The following KIF21A variants were observed in gnomAD, a reference collection of about 807,000 sequenced individuals.
KIF21A encodes the protein kinesin family member 21A.
A neutral mutation model predicts 202.9 loss-of-function variants in KIF21A; 114 were observed. The ratio of observed to expected loss-of-function variants is 0.56; its 90% CI spans 0.48 to 0.66. The LOEUF (loss-of-function observed/expected upper bound fraction) is 0.66, where lower values mean the gene tolerates loss of function less well. Among genes scored for constraint, KIF21A ranks in the 30% least tolerant of loss-of-function variants. The pLI is 0.00. For synonymous variants in KIF21A, 667 were observed against 670.8 expected (o/e 0.99, Z 0.09); for missense variants, 1,677 against 1,994.9 (o/e 0.84, Z 3.04).
intron 1 of KIF21A, among the ~76,000 whole-genome samples, chr12:39,437,304 C>A (rs1383946946): frequency 6.6e-6 from 1 of 152,152 alleles, no homozygotes; most frequent in Non-Finnish European, 1.5e-5. Flanking sequence ...AATAATTAGA[C>A]CTGAAACCTG....
At chr12:39,364,188 A>G (rs1949445451) in intron 6 of KIF21A, among the ~76,000 whole-genome samples, 2 of 152,218 alleles carry the variant, frequency 1.3e-5, no homozygotes, top group African/African-American at 4.8e-5. Context: ...ACTGGCCATC[A>G]GTAATGCAAA....
chr12:39,375,307 G>A (rs1020166537), intron 1 of KIF21A, among the ~76,000 whole-genome samples: 1 of 152,148 alleles, frequency 6.6e-6, no homozygotes, highest in African/African-American at 2.4e-5. Flanking sequence ...TAGCAAAACT[G>A]AGTTTATACA....
chr12:39,308,070 T>TA (rs1943648872), intron 33 of KIF21A, among the ~76,000 whole-genome samples: 1 of 151,720 alleles, frequency 6.6e-6, no homozygotes, highest in Non-Finnish European at 1.5e-5. Flanking sequence ...ATGTTAAACA[T>TA]AAAAAAATCA....
At chr12:39,438,250 T>G (rs949792760) in intron 1 of KIF21A, among the ~76,000 whole-genome samples, 2 of 152,172 alleles carry the variant, frequency 1.3e-5, no homozygotes, top group African/African-American at 4.8e-5. Context: ...TGTTTATTCT[T>G]CAGTAATAAG....
chr12:39,427,333 T>G (rs1214919951), intron 1 of KIF21A, among the ~76,000 whole-genome samples: 4 of 152,244 alleles, frequency 2.6e-5, no homozygotes, highest in Non-Finnish European at 4.4e-5. Context: ...AATAGCTTTC[T>G]TTTTACATTT....
At chr12:39,428,970 A>AAAG (rs1451354089) in intron 1 of KIF21A, among the ~76,000 whole-genome samples, 1 of 152,096 alleles carries the variant, frequency 6.6e-6, no homozygotes, top group East Asian at 1.9e-4. Flanking sequence ...AAAAAAAAAA[A>AAAG]AAGGACTTCA....
Position 39,322,872 on chromosome 12 carries a change from C to T in KIF21A, c.3467G>A (p.Arg1156Lys), listed in dbSNP as rs74778449. ...EVKPKNKARR[R>K]TTTQMELLYA... The stretch of plus-strand genomic sequence containing the variant: ...CAGCAATTCCATCTGAGTGGTGGTT[C>T]TCCTTCGGGCCTAGTCAAAGAATGG... Residue 1156 changes from arginine to lysine, a missense_variant, in exon 27 of 38, where the codon AGA (arginine) becomes AAA (lysine). Physicochemically the swap from Arg to Lys is conservative, Grantham distance 26. Coordinates refer to ENST00000361418, the MANE Select transcript of KIF21A (RefSeq NM_001173464.2). The T allele has an allele frequency of 6.2e-7, 1 of 1,602,706 alleles. No individual in the cohort carries two copies. The highest frequency in any genetic ancestry group is 8.5e-7 in the Non-Finnish European group (1 of 1,172,850).
At chr12:39,432,737 A>G (rs1031245013) in intron 1 of KIF21A, among the ~76,000 whole-genome samples, 4 of 152,066 alleles carry the variant, frequency 2.6e-5, no homozygotes, top group Admixed American at 1.3e-4. Flanking sequence ...CAGCCTCCCA[A>G]GTAGCTGGGA....
intron 12 of KIF21A, among the ~76,000 whole-genome samples, chr12:39,342,873 A>G (rs1269303629): frequency 6.6e-6 from 1 of 152,196 alleles, no homozygotes; most frequent in Non-Finnish European, 1.5e-5. Flanking sequence ...CACACATACC[A>G]GGGAATGATT....
intron 1 of KIF21A, among the ~76,000 whole-genome samples, chr12:39,399,855 A>G: frequency 6.6e-6 from 1 of 152,240 alleles, no homozygotes; most frequent in Non-Finnish European, 1.5e-5. Context: ...AGTAGCAGAA[A>G]GCATTTATTT....
Position 39,342,067 on chromosome 12 carries a change from A to AC in KIF21A, c.1769dup (p.Val591CysfsTer8). On this transcript the variant is annotated frameshift_variant, in exon 13 of 38. Transcript: ENST00000361418. LOFTEE classifies it high-confidence loss of function. ...ATTCATTGTTTTCTCTTTCCGAAAC[A>AC]CCCTTTTCTTCTTTCTTCTCTTGGT... is the stretch of plus-strand genomic sequence containing the variant. The AC allele has an allele frequency of 6.2e-7, 1 of 1,611,628 alleles. No individual in the cohort carries two copies. Among genetic ancestry groups the AC allele is most frequent in the Non-Finnish European group, 8.5e-7 (1 of 1,178,124 alleles).
intron 31 of KIF21A, among the ~76,000 whole-genome samples, chr12:39,314,285 A>T (rs1045841454): frequency 6.6e-6 from 1 of 151,820 alleles, no homozygotes; most frequent in African/African-American, 2.4e-5. Flanking sequence ...ATTTGAGATT[A>T]CTGAAACTAA....
intron 16 of KIF21A, among the ~76,000 whole-genome samples, chr12:39,338,401 TA>T (rs929818604): frequency 3.2e-4 from 48 of 152,114 alleles, no homozygotes; most frequent in African/African-American, 9.9e-4. Flanking sequence ...ATTTATAAAA[TA>T]AAAAAAATTA....
intron 1 of KIF21A, among the ~76,000 whole-genome samples, chr12:39,401,776 A>G (rs1344844439): frequency 6.6e-6 from 1 of 152,188 alleles, no homozygotes; most frequent in Non-Finnish European, 1.5e-5. Flanking sequence ...TTTGCTAGAC[A>G]TTTGCCTTTT....
chr12:39,396,397 T>C (rs1951762670), intron 1 of KIF21A, among the ~76,000 whole-genome samples: 1 of 152,110 alleles, frequency 6.6e-6, no homozygotes, highest in African/African-American at 2.4e-5. Flanking sequence ...ATCTTTTATC[T>C]TCAGTACAAA....
At position 39,315,940 on chromosome 12, in the gene KIF21A, C is replaced by T. The variant is rs531164985; in HGVS notation, c.3939G>A (p.Glu1313=). The part of the protein sequence containing the change: ...KSDESDSSLS[E]VHRSSRRGII... ...GGCAGGAAAGAAAGTACCTGTGTACCTCCGAGAGAGAGGAGTCACTTTCAT... is the reference window on the plus strand; with the variant it reads ...GGCAGGAAAGAAAGTACCTGTGTACTTCCGAGAGAGAGGAGTCACTTTCAT... The change falls in exon 30 of 38, where the codon GAG becomes GAA. Residue 1313 remains glutamate, a synonymous_variant. Transcript: ENST00000361418. 6.2e-7 allele frequency: 1 copy of T among 1,605,628 alleles called. No individual in the cohort carries two copies. Among genetic ancestry groups the T allele is most frequent in the African/African-American group, 1.3e-5 (1 of 74,734 alleles).
chr12:39,426,881 T>TA lies in KIF21A; in HGVS notation c.44+16045dup, dbSNP rs10718392. On this transcript the variant is annotated intron_variant, in intron 1 of 37. Transcript: ENST00000361418. ...CCTGGGTGACAGAGTGAGACTCTGT[T>TA]AAAAAAAAAAAAAAAAAGAAAAGAA... 4.4e-3 allele frequency among the ~76,000 whole-genome samples: 583 copies of TA among 132,986 alleles called. 2 individuals carry two copies. The highest frequency in any genetic ancestry group is 6.8e-3 in the Admixed American group (90 of 13,170). 87.2% of individuals were successfully genotyped at this position (132,986 alleles called of 152,430 possible).
intron 1 of KIF21A, among the ~76,000 whole-genome samples, chr12:39,420,549 C>G (rs34214190): frequency 1.0e-3 from 157 of 152,210 alleles, no homozygotes; most frequent in Non-Finnish European, 1.7e-3. Context: ...GACCCAGAAA[C>G]AGCAAAGTGA....
At chr12:39,298,287 G>A (rs1011542485) in intron 37 of KIF21A, among the ~76,000 whole-genome samples, 1 of 152,166 alleles carries the variant, frequency 6.6e-6, no homozygotes, top group Non-Finnish European at 1.5e-5. Context: ...GAGAAGAGGA[G>A]AGATCTATGC....
Sources: gnomAD v4.1 joint callset for allele counts (sites outside exome capture counted in the v4.1 genomes callset) on GRCh38, gnomAD v4.1.1 for gene constraint, MANE v1.5 for transcripts, NCBI Gene and HGNC (gene_info 2026-07-23, HGNC 2026-07-21) for gene names.